The following ADIPOR2 variants were observed in gnomAD, a reference collection of about 807,000 sequenced individuals.
ADIPOR2 encodes the protein adiponectin receptor protein 2.
In ADIPOR2, 18 loss-of-function variants were observed where a neutral mutation model predicts 40.9. The ratio of observed to expected loss-of-function variants is 0.44; its 90% CI spans 0.30 to 0.65. ADIPOR2 has a LOEUF of 0.65. Ranked by LOEUF, ADIPOR2 falls within the 30% of genes least tolerant of loss-of-function variation. ADIPOR2 has a pLI of 0.09. For missense variants in ADIPOR2, 283 were observed against 479.2 expected (o/e 0.59, Z 3.82); for synonymous variants, 165 against 166.4 (o/e 0.99, Z 0.06).
chr12:1,737,718 T>C (rs2094733917), intron 1 of ADIPOR2, among the ~76,000 whole-genome samples: 1 of 151,972 alleles, frequency 6.6e-6, no homozygotes, highest in Non-Finnish European at 1.5e-5. Flanking sequence ...GCTTGGGTAA[T>C]TTTTTGTATT....
chr12:1,737,381 A>T (rs1295662680), intron 1 of ADIPOR2, among the ~76,000 whole-genome samples: 1 of 152,068 alleles, frequency 6.6e-6, no homozygotes, highest in African/African-American at 2.4e-5. Flanking sequence ...TGGAAAATAC[A>T]TGTTAATTAT....
intron 1 of ADIPOR2, among the ~76,000 whole-genome samples, chr12:1,714,107 T>C (rs886852330): frequency 6.6e-6 from 1 of 152,086 alleles, no homozygotes; most frequent in African/African-American, 2.4e-5. Flanking sequence ...ATAGTGGACA[T>C]GGGCGAGGGG....
rs750557873 is a variant in ADIPOR2 at position 1,778,021 on chromosome 12, C to G, written c.459C>G (p.Leu153=). ...AAACAGGCAACATTTGGACACATCT[C>G]TTAGGTATGTAATGTCAGTGATGTA... ...HTETGNIWTH[L]LGCVFFLCLG... is the part of the protein sequence containing the mutation. The change falls in exon 4 of 8, where the codon CTC becomes CTG. Residue 153 remains leucine, a synonymous_variant. Transcript: ENST00000357103. 2 of 1,612,854 alleles carry G rather than the reference C, an allele frequency of 1.2e-6. No individual in the cohort carries two copies. Among genetic ancestry groups the G allele is most frequent in the Admixed American group, 3.3e-5 (2 of 59,772 alleles).
intron 1 of ADIPOR2, among the ~76,000 whole-genome samples, chr12:1,735,882 T>C (rs1285708941): frequency 6.6e-6 from 1 of 152,226 alleles, no homozygotes; most frequent in East Asian, 1.9e-4. Context: ...GTTCTGTTTG[T>C]ATGCTGGATT....
intron 1 of ADIPOR2, among the ~76,000 whole-genome samples, chr12:1,710,827 C>G (rs138142820): frequency 6.6e-6 from 1 of 152,092 alleles, no homozygotes; most frequent in Non-Finnish European, 1.5e-5. Flanking sequence ...GTTAGTTGAA[C>G]TCATTTGGGG....
intron 3 of ADIPOR2, among the ~76,000 whole-genome samples, chr12:1,774,672 G>A (rs976381521): frequency 6.6e-6 from 1 of 152,214 alleles, no homozygotes; most frequent in African/African-American, 2.4e-5. Context: ...CCAGGTCCAT[G>A]TGGGAATAGG....
chr12:1,742,479 A>G (rs2094745095), intron 1 of ADIPOR2, among the ~76,000 whole-genome samples: 1 of 152,210 alleles, frequency 6.6e-6, no homozygotes, highest in Non-Finnish European at 1.5e-5. Flanking sequence ...TAATTTTGAA[A>G]GAGCGAGAGC....
chr12:1,780,312 A>C (rs766484136), intron 4 of ADIPOR2, 139 bp from the exon 5 acceptor site: 2 of 897,524 alleles, frequency 2.2e-6, no homozygotes, highest in Non-Finnish European at 3.2e-6. Context: ...GATAGGCTTC[A>C]GTTATTTGGA....
chr12:1,706,378 C>T (rs945794439), intron 1 of ADIPOR2, among the ~76,000 whole-genome samples: 6 of 152,072 alleles, frequency 3.9e-5, no homozygotes, highest in Non-Finnish European at 8.8e-5. Context: ...AAGTAGGTCA[C>T]AAGAAGGGCT....
intron 1 of ADIPOR2, among the ~76,000 whole-genome samples, chr12:1,750,861 A>G (rs1479850769): frequency 6.6e-6 from 1 of 152,112 alleles, no homozygotes; most frequent in African/African-American, 2.4e-5. Context: ...TTATAGATAA[A>G]AGAGTCATAT....
At chr12:1,714,943 CAG>C (rs1004375173) in intron 1 of ADIPOR2, among the ~76,000 whole-genome samples, 5 of 151,510 alleles carry the variant, frequency 3.3e-5, no homozygotes, top group African/African-American at 2.4e-5. Flanking sequence ...TGCTTTAAAT[CAG>C]AGAGAGAGAG....
In ADIPOR2 at chr12:1,755,081, CT is replaced by C. The variant is rs1233884339; in HGVS notation, c.171+577del. On this transcript the variant is annotated intron_variant, in intron 2 of 7. Coordinates refer to ENST00000357103, the MANE Select transcript of ADIPOR2 (RefSeq NM_024551.3). ...TATGGTTAATGTCTTTCTGCTGACT[CT>C]TTTTTTTTTAATTTCGGAGACGGAG... is the stretch of plus-strand genomic sequence containing the variant. 2.2e-4 allele frequency among the ~76,000 whole-genome samples: 25 copies of C among 114,592 alleles called. 1 individual carries two copies. Among genetic ancestry groups the C allele is most frequent in the Admixed American group, 2.5e-4 (3 of 11,936 alleles). The allele number at this position is 114,592 out of a possible 152,430, so 75.2% of individuals were successfully genotyped here.
intron 1 of ADIPOR2, among the ~76,000 whole-genome samples, chr12:1,713,091 G>A (rs2094680809): frequency 6.6e-6 from 1 of 152,130 alleles, no homozygotes; most frequent in African/African-American, 2.4e-5. Context: ...ACAGGTGAGG[G>A]CTATCCCTGA....
chr12:1,708,581 C>T (rs1177099227), intron 1 of ADIPOR2, among the ~76,000 whole-genome samples: 3 of 152,300 alleles, frequency 2.0e-5, no homozygotes, highest in Admixed American at 2.0e-4. Flanking sequence ...GTTCTCCTCT[C>T]CCATATGAAT....
intron 1 of ADIPOR2, among the ~76,000 whole-genome samples, chr12:1,715,584 G>A (rs910046273): frequency 1.8e-4 from 27 of 152,232 alleles, no homozygotes; most frequent in African/African-American, 5.8e-4. Context: ...TTCCCCTCTG[G>A]AGGACACTAC....
At chr12:1,724,559 A>G (rs949009524) in intron 1 of ADIPOR2, among the ~76,000 whole-genome samples, 1 of 152,214 alleles carries the variant, frequency 6.6e-6, no homozygotes, top group African/African-American at 2.4e-5. Flanking sequence ...TTCTAGAGCT[A>G]GATGGTTGTA....
In ADIPOR2 at chr12:1,728,900, T is replaced by G. The variant is rs573752518; in HGVS notation, c.-86-25358T>G. Among the ~76,000 whole-genome samples, 309 of 151,798 alleles carry G rather than the reference T, an allele frequency of 2.0e-3. 1 individual carries two copies. The highest frequency in any genetic ancestry group is 7.2e-3 in the African/African-American group (297 of 41,348). On this transcript the variant is annotated intron_variant, in intron 1 of 7. Coordinates refer to ENST00000357103, the MANE Select transcript of ADIPOR2 (RefSeq NM_024551.3). ...CTTCCATCTTGACTCTCTTTTACTG[T>G]TAAAAAATCTTAGAACAAAGTAAAG...
chr12:1,786,129 C>T lies in ADIPOR2; in HGVS notation c.*57C>T. Reference sequence around the variant, plus strand: ...AACCAGGGCCTGCGGCACTTGCGGGCCTCCCTGCTGGCTACTGATGCCAGT... The same window carrying T: ...AACCAGGGCCTGCGGCACTTGCGGGTCTCCCTGCTGGCTACTGATGCCAGT... On this transcript the variant is annotated 3_prime_UTR_variant, in exon 8 of 8. Transcript: ENST00000357103. The T allele has an allele frequency of 6.3e-7, 1 of 1,579,494 alleles. No individual in the cohort carries two copies. The highest frequency in any genetic ancestry group is 2.2e-5 in the East Asian group (1 of 44,652).
intron 1 of ADIPOR2, among the ~76,000 whole-genome samples, chr12:1,750,567 C>T (rs893972956): frequency 6.6e-6 from 1 of 152,070 alleles, no homozygotes; most frequent in African/African-American, 2.4e-5. Flanking sequence ...GACCCTGTGT[C>T]TCTAGAAAGA....
Sources: gnomAD v4.1 joint callset for allele counts (sites outside exome capture counted in the v4.1 genomes callset) on GRCh38, gnomAD v4.1.1 for gene constraint, MANE v1.5 for transcripts, NCBI Gene and HGNC (gene_info 2026-07-23, HGNC 2026-07-21) for gene names.